SLC14A2: variants seen among roughly 807,000 people sequenced by gnomAD.
SLC14A2 encodes the protein solute carrier family 14 member 2, also known as urea transporter 2.
In SLC14A2, 91 loss-of-function variants were observed where a neutral mutation model predicts 104.6. The observed-to-expected ratio is 0.87, with a 90% CI of 0.73 to 1.04. SLC14A2 has a LOEUF of 1.04. SLC14A2 is among the 50% of genes least tolerant of loss of function. The pLI, the probability that SLC14A2 is intolerant of heterozygous loss-of-function variation, is 0.00. For synonymous variants in SLC14A2, 476 were observed against 466.4 expected, an observed-to-expected ratio of 1.02 and a Z score of -0.27; for missense variants, 1,189 against 1,156.0, an observed-to-expected ratio of 1.03 and a Z score of -0.41.
intron 1 of SLC14A2, among the ~76,000 whole-genome samples, chr18:45,227,357 T>C (rs947102539): frequency 2.6e-5 from 4 of 152,180 alleles, no homozygotes; most frequent in South Asian, 2.1e-4. Context: ...TCTCAGTCCA[T>C]TTGTGCTGTT....
At chr18:45,507,109 G>A (rs1316215971) in intron 2 of SLC14A2, 1 of 152,266 alleles carries the variant, frequency 6.6e-6, no homozygotes, top group Non-Finnish European at 1.5e-5. Flanking sequence ...AAGAAAGGGA[G>A]ATTATAACTA....
intron 1 of SLC14A2, among the ~76,000 whole-genome samples, chr18:45,420,007 A>C (rs1263501707): frequency 6.6e-6 from 1 of 152,230 alleles, no homozygotes; most frequent in African/African-American, 2.4e-5. Context: ...TAGTCATTTA[A>C]TATTTCTCAC....
intron 2 of SLC14A2, among the ~76,000 whole-genome samples, chr18:45,577,957 A>T (rs941503431): frequency 1.3e-5 from 2 of 152,182 alleles, no homozygotes; most frequent in Non-Finnish European, 2.9e-5. Context: ...GGTGGACCTT[A>T]AAGGACATAG....
intron 1 of SLC14A2, among the ~76,000 whole-genome samples, chr18:45,270,149 C>T (rs2084636550): frequency 6.6e-6 from 1 of 152,118 alleles, no homozygotes; most frequent in Non-Finnish European, 1.5e-5. Flanking sequence ...AAACCATACA[C>T]TCTTCCCAGT....
intron 10 of SLC14A2, among the ~76,000 whole-genome samples, chr18:45,659,973 A>AAAAAG (rs2045910323): frequency 6.6e-6 from 1 of 151,406 alleles, no homozygotes; most frequent in Admixed American, 6.6e-5. Context: ...AAAAAAAAAA[A>AAAAAG]AAAAGAAAGA....
chr18:45,365,005 AGAT>A (rs2085652390), intron 1 of SLC14A2, among the ~76,000 whole-genome samples: 1 of 152,230 alleles, frequency 6.6e-6, no homozygotes, highest in Non-Finnish European at 1.5e-5. Context: ...AATTCTCTTC[AGAT>A]GAGATCACAG....
At chr18:45,422,008 G>A (rs1320525214) in intron 1 of SLC14A2, among the ~76,000 whole-genome samples, 1 of 152,208 alleles carries the variant, frequency 6.6e-6, no homozygotes, top group Non-Finnish European at 1.5e-5. Flanking sequence ...GAATGAGTGG[G>A]AAAGATAGGA....
chr18:45,419,024 G>A (rs536260910), intron 1 of SLC14A2, among the ~76,000 whole-genome samples: 16 of 152,302 alleles, frequency 1.1e-4, no homozygotes, highest in African/African-American at 3.6e-4. Context: ...GATACTGCTA[G>A]AGTCTCTTCA....
At position 45,668,026 on chromosome 18, in the gene SLC14A2, A is replaced by G; in HGVS notation, c.1907+4A>G. On this transcript the variant is annotated splice_donor_region_variant and intron_variant, in intron 14 of 19. Coordinates refer to ENST00000255226, the MANE Select transcript of SLC14A2 (RefSeq NM_007163.4). ...CCCTCATCCTGAGTCAGGACAAGTA[A>G]GTCCCAGAGGCTCAGGGTCCAAACA... is the stretch of plus-strand genomic sequence containing the variant. The G allele has an allele frequency of 1.2e-6, 2 of 1,613,820 alleles. No individual in the cohort carries two copies. Among genetic ancestry groups the G allele is most frequent in the Non-Finnish European group, 1.7e-6 (2 of 1,179,752 alleles).
At chr18:45,518,683 C>G (rs372819567) in intron 2 of SLC14A2, among the ~76,000 whole-genome samples, 4 of 152,218 alleles carry the variant, frequency 2.6e-5, no homozygotes, top group East Asian at 1.9e-4. Flanking sequence ...GGATAAAGAC[C>G]AGAGTTGGCC....
intron 1 of SLC14A2, among the ~76,000 whole-genome samples, chr18:45,457,247 G>A (rs551821445): frequency 1.3e-5 from 2 of 152,240 alleles, no homozygotes; most frequent in South Asian, 4.1e-4. Flanking sequence ...ATAGAGTACA[G>A]TAAACAACTA....
At chr18:45,320,263 T>G (rs1599671999) in intron 1 of SLC14A2, among the ~76,000 whole-genome samples, 1 of 152,180 alleles carries the variant, frequency 6.6e-6, no homozygotes, top group Admixed American at 6.5e-5. Context: ...TGATCTCTAA[T>G]TTTTGGCACA....
intron 2 of SLC14A2, among the ~76,000 whole-genome samples, chr18:45,567,629 G>C (rs139131084): frequency 8.9e-4 from 136 of 152,230 alleles, no homozygotes; most frequent in Middle Eastern, 6.8e-3. Context: ...GACCATCCTG[G>C]GGAGTGTGAG....
At chr18:45,647,454 A>G (rs2045643698) in intron 10 of SLC14A2, 2 of 152,198 alleles carry the variant, frequency 1.3e-5, no homozygotes, top group African/African-American at 4.8e-5. Context: ...TTTTCAAAGA[A>G]GCGATTTTGG....
chr18:45,567,427 C>G lies in SLC14A2; in HGVS notation c.-34-57204C>G, dbSNP rs551374973. ...ACTGATAGAGAGCAAGCTGGCTGGACAGCCCAGATCTGTCTGCTGATTTCA... is the reference window on the plus strand; with the variant it reads ...ACTGATAGAGAGCAAGCTGGCTGGAGAGCCCAGATCTGTCTGCTGATTTCA... On this transcript the variant is annotated intron_variant, in intron 2 of 20. Coordinates refer to the SLC14A2 transcript ENST00000586448. 1.1e-4 allele frequency among the ~76,000 whole-genome samples: 17 copies of G among 152,322 alleles called. No individual in the cohort carries two copies. In the South Asian group the frequency reaches 2.9e-3, roughly 26 times the overall value.
At position 45,241,862 on chromosome 18, in the gene SLC14A2, C is replaced by T. The variant is rs139506327; in HGVS notation, c.-125+28671C>T. 6.4e-3 allele frequency among the ~76,000 whole-genome samples: 971 copies of T among 151,978 alleles called. 20 individuals are homozygous for T. Among genetic ancestry groups the T allele is most frequent in the African/African-American group, 0.022 (916 of 41,442 alleles). On this transcript the variant is annotated intron_variant, in intron 1 of 20. Coordinates refer to the SLC14A2 transcript ENST00000586448. ...TTCTCCATGTTGGTCAGACTGGTCT[C>T]GAACTCCCGACCTCAGGTGATTCAC...
At position 45,263,881 on chromosome 18, in the gene SLC14A2, G is replaced by A. The variant is rs1383700563; in HGVS notation, c.-125+50690G>A. 2.0e-5 allele frequency among the ~76,000 whole-genome samples: 3 copies of A among 152,130 alleles called. No individual in the cohort carries two copies. The East Asian group carries it at 5.8e-4, about 29-fold the overall frequency. On this transcript the variant is annotated intron_variant, in intron 1 of 20. Coordinates refer to the SLC14A2 transcript ENST00000586448. ...CTGTGGAATCAACCAGGTCTCCAAGGACACCAATGAACGAGGTCTCCTTTT... is the reference window on the plus strand; with the variant it reads ...CTGTGGAATCAACCAGGTCTCCAAGAACACCAATGAACGAGGTCTCCTTTT...
the SLC14A2 span, among the ~76,000 whole-genome samples, chr18:45,197,555 T>C: frequency 6.6e-6 from 1 of 152,196 alleles, no homozygotes; most frequent in Non-Finnish European, 1.5e-5. Flanking sequence ...TCTTGTGGGT[T>C]CTATCCCACC....
At chr18:45,448,503 T>G (rs527648136) in intron 1 of SLC14A2, among the ~76,000 whole-genome samples, 154 of 152,270 alleles carry the variant, frequency 1.0e-3, no homozygotes, top group African/African-American at 3.5e-3. Flanking sequence ...ATGAAATGAT[T>G]TGAGAAAGAA....
Sources: gnomAD v4.1 joint callset for allele counts (sites outside exome capture counted in the v4.1 genomes callset) on GRCh38, gnomAD v4.1.1 for gene constraint, MANE v1.5 for transcripts, NCBI Gene and HGNC (gene_info 2026-07-23, HGNC 2026-07-21) for gene names.